Variants in FAM3C observed in about 807,000 individuals in gnomAD.
FAM3C encodes the protein protein FAM3C.
FAM3C carries 15 observed loss-of-function variants against 32.5 expected under a neutral mutation model. The observed-to-expected ratio is 0.46, with a 90% CI of 0.31 to 0.71. FAM3C has a LOEUF of 0.71. Ranked by LOEUF, FAM3C falls within the 30% of genes least tolerant of loss-of-function variation. The pLI, the probability that FAM3C is intolerant of heterozygous loss-of-function variation, is 0.05. For missense variants in FAM3C, 175 were observed against 274.4 expected, an observed-to-expected ratio of 0.64 and a Z score of 2.56; for synonymous variants, 75 against 86.1, an observed-to-expected ratio of 0.87 and a Z score of 0.72.
At chr7:121,355,884 G>C (rs1374342777) in intron 8 of FAM3C, among the ~76,000 whole-genome samples, 1 of 152,080 alleles carries the variant, frequency 6.6e-6, no homozygotes, top group East Asian at 1.9e-4. Context: ...CCTGGATCAT[G>C]GAAACTTCAT....
At chr7:121,364,336 A>C (rs1793983338) in intron 5 of FAM3C, 148 bp from the exon 6 acceptor site, 1 of 604,864 alleles carries the variant, frequency 1.7e-6, no homozygotes, top group South Asian at 2.2e-5. Context: ...ATCTCTACTA[A>C]GTCAGAGAAG....
At chr7:121,373,446 C>T (rs895830146) in intron 3 of FAM3C, among the ~76,000 whole-genome samples, 1 of 152,200 alleles carries the variant, frequency 6.6e-6, no homozygotes, top group Non-Finnish European at 1.5e-5. Context: ...ACAGGTACAA[C>T]ATACAAACAC....
intron 1 of FAM3C, among the ~76,000 whole-genome samples, chr7:121,394,196 G>A (rs1334513932): frequency 6.6e-6 from 1 of 152,028 alleles, no homozygotes; most frequent in East Asian, 1.9e-4. Context: ...AAAATGAATC[G>A]TTCAAAACCT....
chr7:121,385,520 G>C (rs1373593210), intron 1 of FAM3C, among the ~76,000 whole-genome samples: 1 of 152,148 alleles, frequency 6.6e-6, no homozygotes, highest in African/African-American at 2.4e-5. Context: ...TTACATGGTT[G>C]ACAATTTAAA....
intron 2 of FAM3C, 46 bp from the exon 3 acceptor site, chr7:121,379,060 CTTTTA>C (rs776504486): frequency 9.6e-7 from 1 of 1,038,722 alleles, no homozygotes; most frequent in East Asian, 2.6e-5. Flanking sequence ...GCCCACAGAA[CTTTTA>C]TTTTGCATTT....
At chr7:121,385,161 G>T (rs1794441471) in intron 1 of FAM3C, among the ~76,000 whole-genome samples, 1 of 152,144 alleles carries the variant, frequency 6.6e-6, no homozygotes, top group African/African-American at 2.4e-5. Flanking sequence ...AGGCGAAAGG[G>T]CTTATATATA....
intron 1 of FAM3C, among the ~76,000 whole-genome samples, chr7:121,394,348 G>A (rs1168984456): frequency 1.3e-5 from 2 of 152,140 alleles, no homozygotes; most frequent in African/African-American, 4.8e-5. Flanking sequence ...AATTATGAAA[G>A]ATTAGTTGAC....
At chr7:121,381,094 C>A (rs1397906880) in intron 2 of FAM3C, among the ~76,000 whole-genome samples, 6 of 152,188 alleles carry the variant, frequency 3.9e-5, no homozygotes, top group Non-Finnish European at 7.4e-5. Flanking sequence ...GCTGGCCTGA[C>A]TCCAGGACCA....
intron 1 of FAM3C, among the ~76,000 whole-genome samples, chr7:121,383,724 TG>T (rs1794407869): frequency 6.6e-6 from 1 of 152,114 alleles, no homozygotes. Context: ...TGTATGTGCA[TG>T]GGTGTTTTCC....
chr7:121,362,623 C>A, intron 7 of FAM3C: 1 of 370,770 alleles, frequency 2.7e-6, no homozygotes, highest in Non-Finnish European at 4.8e-6. Context: ...ATTGGTTGTC[C>A]TGTAGAAAAC....
intron 7 of FAM3C, among the ~76,000 whole-genome samples, chr7:121,362,241 C>T (rs1211013102): frequency 6.6e-6 from 1 of 152,200 alleles, no homozygotes; most frequent in East Asian, 1.9e-4. Flanking sequence ...AGTCCCTTGC[C>T]TCTGCGTGCT....
intron 1 of FAM3C, among the ~76,000 whole-genome samples, chr7:121,389,775 A>C (rs912800670): frequency 6.6e-6 from 1 of 152,032 alleles, no homozygotes; most frequent in Admixed American, 6.6e-5. Flanking sequence ...AAAAAAAAAA[A>C]GGTAGACATC....
rs528041877 is a variant in FAM3C, at chr7:121,385,814, T to C, written c.-41-2804A>G. ...CCAGTTAACATAAACCAAGTATGAA[T>C]ACATACTTATGTCAGTGCAATTCAC... is the stretch of plus-strand genomic sequence containing the variant. On this transcript the variant is annotated intron_variant, in intron 1 of 9. Coordinates refer to ENST00000359943, the MANE Select transcript of FAM3C (RefSeq NM_014888.3). 3.9e-4 allele frequency among the ~76,000 whole-genome samples: 60 copies of C among 152,310 alleles called. No individual in the cohort carries two copies. In the Middle Eastern group the frequency reaches 0.01, roughly 26 times the overall value.
intron 1 of FAM3C, among the ~76,000 whole-genome samples, chr7:121,386,435 T>C (rs17143353): frequency 0.019 from 2,842 of 152,034 alleles, 100 homozygotes; most frequent in African/African-American, 0.065. Flanking sequence ...ACTGAGACAA[T>C]GCCTTCAGAC....
chr7:121,373,923 G>C (rs1450727064), intron 3 of FAM3C, among the ~76,000 whole-genome samples: 5 of 150,908 alleles, frequency 3.3e-5, no homozygotes, highest in Admixed American at 2.6e-4. Flanking sequence ...GTGAACCCGC[G>C]AGGTGGAGCT....
At chr7:121,390,065 A>C (rs1794544883) in intron 1 of FAM3C, among the ~76,000 whole-genome samples, 1 of 152,176 alleles carries the variant, frequency 6.6e-6, no homozygotes, top group South Asian at 2.1e-4. Context: ...CAATCAAATA[A>C]TTTATATGGT....
chr7:121,382,976 T>C lies in FAM3C; in HGVS notation c.-7A>G. The C allele has an allele frequency of 3.1e-6, 5 of 1,601,692 alleles. No homozygotes were observed. The highest frequency in any genetic ancestry group is 4.3e-6 in the Non-Finnish European group (5 of 1,172,078). The stretch of plus-strand genomic sequence containing the variant: ...TCTTACCTGCTACCCTCATGTTTGG[T>C]TTTTCAGTTTATGGCACTTTTCATT... On this transcript the variant is annotated 5_prime_UTR_variant, in exon 2 of 10. Transcript: ENST00000359943.
intron 3 of FAM3C, 50 bp from the exon 4 acceptor site, chr7:121,372,189 T>C (rs2116919898): frequency 1.6e-6 from 2 of 1,284,828 alleles, no homozygotes; most frequent in Non-Finnish European, 2.2e-6. Context: ...TATTGGCAAG[T>C]ATCCACTTTT....
At chr7:121,379,765 G>A (rs761620431) in intron 2 of FAM3C, among the ~76,000 whole-genome samples, 3 of 152,160 alleles carry the variant, frequency 2.0e-5, no homozygotes, top group Non-Finnish European at 4.4e-5. Context: ...ACTACATGGG[G>A]AGCGGGACAG....
Sources: allele counts gnomAD v4.1 joint callset (sites outside exome capture counted in the v4.1 genomes callset), GRCh38; gene constraint gnomAD v4.1.1; transcripts MANE v1.5; gene names NCBI Gene and HGNC (gene_info 2026-07-23, HGNC 2026-07-21).